Variants in MAPK6 observed in about 807,000 individuals in gnomAD.
MAPK6 encodes mitogen-activated protein kinase 6, also known as ERK-3.
A neutral mutation model predicts 59.3 loss-of-function variants in MAPK6; 19 were observed. The ratio of observed to expected loss-of-function variants is 0.32; its 90% confidence interval spans 0.22 to 0.47. MAPK6 has a LOEUF of 0.47. Among genes scored for constraint, MAPK6 ranks in the 20% least tolerant of loss-of-function variants. The pLI is 1.00. For synonymous variants in MAPK6, 316 were observed against 290.3 expected (o/e 1.09, Z -0.90); for missense variants, 724 against 847.9 (o/e 0.85, Z 1.81).
chr15:52,064,865 A>T lies in MAPK6; in HGVS notation c.2031A>T (p.Ile677=). The T allele has an allele frequency of 6.2e-7, 1 of 1,611,992 alleles. No individual in the cohort carries two copies. Among genetic ancestry groups the T allele is most frequent in the Non-Finnish European group, 8.5e-7 (1 of 1,179,836 alleles). ...TCTTTAACAAGCAGCTCGAGTCCATAGGCATCCCACAGTTTCACAGTCCAG... is the reference window on the plus strand; with the variant it reads ...TCTTTAACAAGCAGCTCGAGTCCATTGGCATCCCACAGTTTCACAGTCCAG... ...EFLFNKQLES[I]GIPQFHSPVG... The change falls in exon 6 of 6, where the codon ATA becomes ATT. Residue 677 remains isoleucine (I), a synonymous_variant. Coordinates refer to ENST00000261845, the MANE Select transcript of MAPK6 (RefSeq NM_002748.4).
In MAPK6 at chr15:51,987,081, A is replaced by T. The variant is rs561707323; in HGVS notation, c.-770+3766A>T. The stretch of plus-strand genomic sequence containing the variant: ...ACGTATTACCATATGCACAGAAAAA[A>T]ATCTGGACTATTTCAACTTGTTAGC... On this transcript the variant is annotated intron_variant, in intron 2 of 7. Coordinates refer to the MAPK6 transcript ENST00000691380. Among the ~76,000 whole-genome samples the T allele has an allele frequency of 2.0e-5, 3 of 152,348 alleles. No individual in the cohort carries two copies. In the South Asian group the frequency reaches 6.2e-4, roughly 32 times the overall value.
intron 5 of MAPK6, among the ~76,000 whole-genome samples, chr15:52,063,339 C>G (rs1409031279): frequency 2.0e-5 from 3 of 152,236 alleles, no homozygotes; most frequent in Non-Finnish European, 4.4e-5. Flanking sequence ...GCTAGCATTG[C>G]AGGCCTGAGC....
intron 3 of MAPK6, among the ~76,000 whole-genome samples, chr15:52,007,734 G>T (rs1015170637): frequency 1.3e-5 from 2 of 150,934 alleles, no homozygotes; most frequent in African/African-American, 4.8e-5. Context: ...TTCCTTTGTG[G>T]ACTCACCAAA....
chr15:52,032,574 G>T (rs960968998), intron 1 of MAPK6, among the ~76,000 whole-genome samples: 4 of 151,982 alleles, frequency 2.6e-5, no homozygotes, highest in African/African-American at 9.7e-5. Flanking sequence ...TAGATCTGGG[G>T]TTAGTTACAT....
upstream of MAPK6, among the ~76,000 whole-genome samples, chr15:52,016,053 C>CGT (rs1566899760): frequency 0.022 from 797 of 36,736 alleles, 5 homozygotes; most frequent in Middle Eastern, 0.032. Context: ...CAAACTCCAT[C>CGT]GCGCGCGCGC....
At chr15:52,049,938 T>C (rs2031723650) in intron 2 of MAPK6, 55 bp from the exon 3 acceptor site, 1 of 1,459,892 alleles carries the variant, frequency 6.8e-7, no homozygotes, top group Admixed American at 1.7e-5. Flanking sequence ...AATCAAGTTG[T>C]AAGTACTGTT....
At chr15:52,019,835 T>G (rs1304139437) in intron 1 of MAPK6, 2 of 152,338 alleles carry the variant, frequency 1.3e-5, no homozygotes, top group African/African-American at 2.4e-5. Context: ...CCGGGGAACA[T>G]GAGGTGGCGT....
chr15:52,004,276 C>A (rs1043068396), exon 3 of MAPK6: 2 of 152,146 alleles, frequency 1.3e-5, no homozygotes, highest in African/African-American at 4.8e-5. Context: ...AATGCTTTGC[C>A]TTTTATCTTT....
At chr15:52,060,458 C>T (rs993123727) in intron 4 of MAPK6, among the ~76,000 whole-genome samples, 5 of 152,026 alleles carry the variant, frequency 3.3e-5, no homozygotes, top group African/African-American at 9.7e-5. Flanking sequence ...GCAAAGGTCA[C>T]AATGAAATTG....
chr15:51,977,342 A>G (rs1399536666), intron 1 of MAPK6, among the ~76,000 whole-genome samples: 1 of 151,652 alleles, frequency 6.6e-6, no homozygotes, highest in Non-Finnish European at 1.5e-5. Context: ...ACTATCATTA[A>G]ATAAAGGAAA....
At chr15:51,998,997 T>G (rs1357353599) in intron 2 of MAPK6, among the ~76,000 whole-genome samples, 9 of 146,098 alleles carry the variant, frequency 6.2e-5, no homozygotes, top group East Asian at 6.0e-4. Context: ...GCCTTTTTTT[T>G]TTGTTTTTTA....
intron 2 of MAPK6, among the ~76,000 whole-genome samples, chr15:51,996,688 G>A (rs553702891): frequency 3.4e-4 from 51 of 151,350 alleles, no homozygotes; most frequent in Admixed American, 2.3e-3. Flanking sequence ...GAGCCACGGC[G>A]CCCGTCCTCC....
intron 2 of MAPK6, among the ~76,000 whole-genome samples, chr15:52,048,361 G>C (rs570716882): frequency 6.6e-6 from 1 of 152,126 alleles, no homozygotes; most frequent in East Asian, 1.9e-4. Flanking sequence ...GCTCACACCT[G>C]TAATCTCAGC....
At chr15:52,053,845 G>A (rs1336185427) in intron 3 of MAPK6, among the ~76,000 whole-genome samples, 2 of 151,610 alleles carry the variant, frequency 1.3e-5, no homozygotes, top group Non-Finnish European at 2.9e-5. Flanking sequence ...CACCACGTTG[G>A]TCAGGCTGAT....
intron 3 of MAPK6, among the ~76,000 whole-genome samples, chr15:52,051,887 A>T (rs938192444): frequency 2.0e-5 from 3 of 151,584 alleles, no homozygotes; most frequent in Non-Finnish European, 2.9e-5. Flanking sequence ...AAAAAAAAAA[A>T]TTTCTAAGAT....
chr15:51,989,946 T>A (rs182920255), intron 2 of MAPK6, among the ~76,000 whole-genome samples: 6 of 152,198 alleles, frequency 3.9e-5, no homozygotes, highest in Non-Finnish European at 7.3e-5. Context: ...TGTCTAGCAA[T>A]GTCTAGCAGG....
chr15:52,023,443 A>G (rs183971809), intron 1 of MAPK6, among the ~76,000 whole-genome samples: 1 of 152,352 alleles, frequency 6.6e-6, no homozygotes, highest in African/African-American at 2.4e-5. Flanking sequence ...TCACAAAAAC[A>G]ACTCCAATGT....
intron 1 of MAPK6, among the ~76,000 whole-genome samples, chr15:52,035,282 C>G (rs1469253396): frequency 5.3e-5 from 8 of 152,218 alleles, no homozygotes; most frequent in Non-Finnish European, 1.2e-4. Context: ...ATGGTAGAGG[C>G]TCTTTTCTTC....
chr15:52,057,784 A>G (rs547819979), intron 3 of MAPK6, among the ~76,000 whole-genome samples: 1 of 152,256 alleles, frequency 6.6e-6, no homozygotes, highest in South Asian at 2.1e-4. Context: ...TTAAAAAAGT[A>G]TTAACAACCC....
Sources: gnomAD v4.1 joint callset for allele counts (sites outside exome capture counted in the v4.1 genomes callset) on GRCh38, gnomAD v4.1.1 for gene constraint, MANE v1.5 for transcripts, NCBI Gene and HGNC (gene_info 2026-07-23, HGNC 2026-07-21) for gene names.